Variants in CCDC102B observed in about 807,000 individuals in gnomAD.
The protein encoded by CCDC102B is coiled-coil domain containing 102B.
A neutral mutation model predicts 57.4 loss-of-function variants in CCDC102B; 75 were observed. That is an observed-to-expected ratio of 1.31 (90% CI 1.08 to 1.58). The LOEUF is 1.58. Among genes scored for constraint, CCDC102B ranks in the 40% most tolerant of loss-of-function variants. The pLI, the probability that CCDC102B is intolerant of heterozygous loss-of-function variation, is 0.00. For missense variants in CCDC102B, 636 were observed against 582.6 expected (o/e 1.09, Z -0.94); for synonymous variants, 206 against 201.9 (o/e 1.02, Z -0.17).
At chr18:68,783,730 A>G (rs1270251069) in intron 2 of CCDC102B, among the ~76,000 whole-genome samples, 1 of 152,180 alleles carries the variant, frequency 6.6e-6, no homozygotes, top group Non-Finnish European at 1.5e-5. Context: ...TCTGATTTAC[A>G]TCAGAAGATG....
intron 1 of CCDC102B, among the ~76,000 whole-genome samples, chr18:68,819,551 T>C (rs2036617232): frequency 6.6e-6 from 1 of 152,072 alleles, no homozygotes; most frequent in African/African-American, 2.4e-5. Context: ...AGTTTGGCTT[T>C]CTTTGACTTT....
intron 6 of CCDC102B, among the ~76,000 whole-genome samples, chr18:69,001,859 A>C (rs1036980375): frequency 6.6e-6 from 1 of 152,216 alleles, no homozygotes; most frequent in African/African-American, 2.4e-5. Flanking sequence ...GTTGATTAAT[A>C]TTCATCCCCT....
chr18:68,768,175 T>A (rs1214558105), intron 2 of CCDC102B, among the ~76,000 whole-genome samples: 1 of 152,174 alleles, frequency 6.6e-6, no homozygotes, highest in East Asian at 1.9e-4. Context: ...ATAAAGTTAT[T>A]GATTCCCTGT....
At chr18:69,048,565 G>A (rs2052622284) in intron 7 of CCDC102B, among the ~76,000 whole-genome samples, 1 of 152,030 alleles carries the variant, frequency 6.6e-6, no homozygotes, top group African/African-American at 2.4e-5. Flanking sequence ...GGGTATTACT[G>A]AAAAATGTCC....
chr18:68,796,881 T>C (rs1016679996), upstream of CCDC102B, among the ~76,000 whole-genome samples: 2 of 151,468 alleles, frequency 1.3e-5, no homozygotes, highest in Non-Finnish European at 2.9e-5. Context: ...ATTGTCACTT[T>C]GATGAATTAA....
At chr18:69,012,730 A>T (rs372892576) in intron 7 of CCDC102B, among the ~76,000 whole-genome samples, 107 of 152,250 alleles carry the variant, frequency 7.0e-4, no homozygotes, top group African/African-American at 2.5e-3. Context: ...AATTAAGAGG[A>T]CATAAAGCTA....
At chr18:69,032,153 C>A (rs72959980) in intron 7 of CCDC102B, among the ~76,000 whole-genome samples, 1 of 152,136 alleles carries the variant, frequency 6.6e-6, no homozygotes, top group Non-Finnish European at 1.5e-5. Flanking sequence ...TGAATTTCAT[C>A]CCAATGTCCA....
At chr18:68,836,697 G>A in intron 1 of CCDC102B, 52 bp from the exon 2 acceptor site, 2 of 1,205,754 alleles carry the variant, frequency 1.7e-6, no homozygotes, top group South Asian at 1.5e-5. Context: ...TCTTGTTCCT[G>A]TATTTACAAG....
intron 6 of CCDC102B, among the ~76,000 whole-genome samples, chr18:68,921,647 G>A (rs1051721326): frequency 4.7e-4 from 71 of 152,172 alleles, no homozygotes; most frequent in African/African-American, 1.4e-3. Flanking sequence ...ATAGAGAAGC[G>A]AGCACAAGCC....
At position 68,831,681 on chromosome 18, in the gene CCDC102B, C is replaced by T. The variant is rs1427785619; in HGVS notation, c.-15-5068C>T. ...AAGCTGTCTGTATAATTTGCTACAG[C>T]GTAAGGATTTTTAAAATAGAATATT... On this transcript the variant is annotated intron_variant, in intron 1 of 7. Transcript: ENST00000360242. 6.6e-5 allele frequency among the ~76,000 whole-genome samples: 10 copies of T among 152,158 alleles called. No homozygotes were observed. The East Asian group carries it at 9.7e-4, about 15-fold the overall frequency.
chr18:68,744,876 A>G (rs186017985), intron 2 of CCDC102B, among the ~76,000 whole-genome samples: 1 of 152,316 alleles, frequency 6.6e-6, no homozygotes, highest in East Asian at 1.9e-4. Context: ...TCCGAAGTCT[A>G]TCCAAAGGGG....
At chr18:68,873,549 TA>T (rs1388439106) in intron 4 of CCDC102B, among the ~76,000 whole-genome samples, 1 of 152,092 alleles carries the variant, frequency 6.6e-6, no homozygotes, top group Non-Finnish European at 1.5e-5. Context: ...AAAAGTTACT[TA>T]AGTCTCTTAA....
rs548959058 is a variant in CCDC102B, at chr18:68,749,103, T to A, written c.-67+32509T>A. On this transcript the variant is annotated intron_variant, in intron 2 of 3. Transcript: ENST00000578970. ...ATGGTTGTAGATGTGTGGTATTATT[T>A]CTGAGGGCTCTGTTCTGTTCCATTG... 9.2e-5 allele frequency among the ~76,000 whole-genome samples: 14 copies of A among 152,312 alleles called. No homozygotes were observed. In the East Asian group the frequency reaches 1.7e-3, roughly 19 times the overall value.
At chr18:68,982,121 A>G (rs910822881) in intron 6 of CCDC102B, among the ~76,000 whole-genome samples, 6 of 151,926 alleles carry the variant, frequency 3.9e-5, no homozygotes, top group African/African-American at 1.2e-4. Flanking sequence ...CTGTCTGTCA[A>G]AGTCAATTGT....
At chr18:68,809,471 A>G (rs2036162157) in intron 1 of CCDC102B, among the ~76,000 whole-genome samples, 1 of 152,228 alleles carries the variant, frequency 6.6e-6, no homozygotes, top group South Asian at 2.1e-4. Context: ...AATGAAAATT[A>G]TAATGTTCAG....
At chr18:68,799,080 G>A (rs1224739998) in intron 1 of CCDC102B, among the ~76,000 whole-genome samples, 2 of 151,698 alleles carry the variant, frequency 1.3e-5, no homozygotes, top group Non-Finnish European at 1.5e-5. Context: ...AATTTTCATG[G>A]GAAATGGTGT....
intron 6 of CCDC102B, among the ~76,000 whole-genome samples, chr18:68,911,476 G>A (rs1341402624): frequency 6.6e-6 from 1 of 150,864 alleles, no homozygotes; most frequent in African/African-American, 2.5e-5. Context: ...GAAAAGGCCG[G>A]GCGCGGTGGC....
At chr18:68,982,998 G>A (rs552363491) in intron 6 of CCDC102B, among the ~76,000 whole-genome samples, 51 of 151,798 alleles carry the variant, frequency 3.4e-4, no homozygotes, top group Admixed American at 3.0e-3. Flanking sequence ...AAACCACAAG[G>A]ATTTGTACCA....
intron 6 of CCDC102B, among the ~76,000 whole-genome samples, chr18:69,009,123 A>T (rs946565705): frequency 1.3e-5 from 2 of 152,212 alleles, no homozygotes; most frequent in Non-Finnish European, 2.9e-5. Context: ...AATTAAAAAA[A>T]TATTGCCAGT....
Sources: allele counts gnomAD v4.1 joint callset (sites outside exome capture counted in the v4.1 genomes callset), GRCh38; gene constraint gnomAD v4.1.1; transcripts MANE v1.5; gene names NCBI Gene and HGNC (gene_info 2026-07-23, HGNC 2026-07-21).